NUP205: variants seen among roughly 807,000 people sequenced by gnomAD.
NUP205 encodes nucleoporin 205.
NUP205 carries 76 observed loss-of-function variants against 253.8 expected under a neutral mutation model. The observed-to-expected ratio is 0.30, with a 90% confidence interval of 0.25 to 0.36. The LOEUF (loss-of-function observed/expected upper bound fraction) is 0.36. Ranked by LOEUF, NUP205 falls within the 10% of genes least tolerant of loss-of-function variation. The pLI, the probability that NUP205 is intolerant of heterozygous loss-of-function variation, is 1.00. For synonymous variants in NUP205, 832 were observed against 850.1 expected, an observed-to-expected ratio of 0.98 and a Z score of 0.37; for missense variants, 2,162 against 2,425.5, an observed-to-expected ratio of 0.89 and a Z score of 2.28.
chr7:135,632,485 T>C lies in NUP205; in HGVS notation c.5059+2015T>C, dbSNP rs1347389074. On this transcript the variant is annotated intron_variant, in intron 35 of 42. Coordinates refer to ENST00000285968, the MANE Select transcript of NUP205 (RefSeq NM_015135.3). ...ATTTTTATGTTGCTTTGGAGATGTCTGAGGCAACCTCTGAATCCACCCTAT... is the reference window on the plus strand; with the variant it reads ...ATTTTTATGTTGCTTTGGAGATGTCCGAGGCAACCTCTGAATCCACCCTAT... Among the ~76,000 whole-genome samples, 4 of 152,136 alleles carry C rather than the reference T, an allele frequency of 2.6e-5. No individual in the cohort carries two copies. The East Asian group carries it at 7.7e-4, about 29-fold the overall frequency.
chr7:135,613,572 C>CT (rs1794289497), intron 22 of NUP205: 1 of 150,700 alleles, frequency 6.6e-6, no homozygotes, highest in African/African-American at 2.4e-5. Context: ...GGGTCTTGCC[C>CT]TGTCACCAGG....
chr7:135,623,931 C>T (rs191059471), intron 31 of NUP205, among the ~76,000 whole-genome samples: 81 of 151,834 alleles, frequency 5.3e-4, no homozygotes, highest in African/African-American at 1.7e-3. Flanking sequence ...TACAGGCGCC[C>T]GCCACTACGC....
In NUP205 at chr7:135,618,520, C is replaced by T. The variant is rs1794405666; in HGVS notation, c.3880C>T (p.Leu1294=). The change falls in exon 28 of 43, where the codon CTG becomes TTG. Residue 1294 remains leucine (L), a synonymous_variant. Coordinates refer to ENST00000285968, the MANE Select transcript of NUP205 (RefSeq NM_015135.3). The part of the protein sequence containing the change: ...ESWRQLVEII[L]TACPQDLIQA... ...GTGGAGGCAACTAGTAGAAATTATA[C>T]TGACAGCTTGTCCCCAGGACCTCAT... 1.2e-6 allele frequency: 2 copies of T among 1,614,068 alleles called. No individual in the cohort carries two copies. The highest frequency in any genetic ancestry group is 2.7e-5 in the African/African-American group (2 of 75,034).
intron 23 of NUP205, among the ~76,000 whole-genome samples, chr7:135,615,676 CT>C (rs1186663649): frequency 6.6e-6 from 1 of 152,114 alleles, no homozygotes; most frequent in Non-Finnish European, 1.5e-5. Context: ...ACTTGATTCT[CT>C]TTTACTCTTC....
At chr7:135,628,157 AT>A (rs1794634893) in intron 34 of NUP205, 46 bp downstream of exon 34, 1 of 1,566,094 alleles carries the variant, frequency 6.4e-7, no homozygotes. Context: ...CAAAATCCTC[AT>A]TTTACAAGTA....
intron 1 of NUP205, chr7:135,558,195 G>T: frequency 1.7e-6 from 1 of 586,638 alleles, no homozygotes; most frequent in Admixed American, 2.8e-5. Context: ...AGGCAGTGAG[G>T]CTTGGGCCGC....
At chr7:135,564,449 C>T (rs1301541653) in intron 1 of NUP205, among the ~76,000 whole-genome samples, 4 of 151,726 alleles carry the variant, frequency 2.6e-5, no homozygotes, top group Non-Finnish European at 5.9e-5. Context: ...CAGGGTTTCA[C>T]CATGTTGGCC....
intron 10 of NUP205, among the ~76,000 whole-genome samples, chr7:135,589,058 A>G (rs1806549885): frequency 6.6e-6 from 1 of 150,644 alleles, no homozygotes. Flanking sequence ...CTGTAGTCCT[A>G]GCTGCTCAGG....
chr7:135,629,473 C>A (rs1378020042), intron 34 of NUP205, among the ~76,000 whole-genome samples: 1 of 17,198 alleles, frequency 5.8e-5, no homozygotes, highest in African/African-American at 2.1e-4. Flanking sequence ...GACCCTATCT[C>A]TCTCTCTCTC....
At chr7:135,607,424 G>A (rs1191685173) in intron 22 of NUP205, 53 bp downstream of exon 22, 2 of 1,586,906 alleles carry the variant, frequency 1.3e-6, no homozygotes, top group Non-Finnish European at 1.7e-6. Flanking sequence ...TTGACCAGGT[G>A]CATGAGTACG....
intron 1 of NUP205, among the ~76,000 whole-genome samples, chr7:135,559,251 A>G (rs146087149): frequency 6.6e-6 from 1 of 152,250 alleles, no homozygotes; most frequent in Non-Finnish European, 1.5e-5. Flanking sequence ...TATTAGACGT[A>G]TATATTAGAA....
At chr7:135,607,986 G>C (rs1794123862) in intron 22 of NUP205, among the ~76,000 whole-genome samples, 1 of 147,946 alleles carries the variant, frequency 6.8e-6, no homozygotes, top group Admixed American at 6.8e-5. Context: ...AGTTTTAGTA[G>C]AGATGGTGTT....
chr7:135,635,977 AT>A (rs1341653722), intron 36 of NUP205, among the ~76,000 whole-genome samples: 1 of 152,180 alleles, frequency 6.6e-6, no homozygotes, highest in African/African-American at 2.4e-5. Context: ...TTACATTAAT[AT>A]TTAGTGTTAC....
intron 4 of NUP205, 82 bp downstream of exon 4, chr7:135,576,496 G>A (rs748937089): frequency 2.0e-5 from 24 of 1,219,552 alleles, no homozygotes; most frequent in Non-Finnish European, 2.7e-5. Flanking sequence ...TATACAATCT[G>A]AGCAATATGT....
At chr7:135,603,982 A>T (rs1046143891) in intron 18 of NUP205, among the ~76,000 whole-genome samples, 10 of 152,154 alleles carry the variant, frequency 6.6e-5, no homozygotes, top group Non-Finnish European at 1.5e-4. Context: ...TCAGCGTCAC[A>T]TGGCAGTTTC....
intron 7 of NUP205, among the ~76,000 whole-genome samples, chr7:135,582,262 G>A (rs1016737614): frequency 5.3e-5 from 8 of 152,254 alleles, no homozygotes; most frequent in Non-Finnish European, 8.8e-5. Flanking sequence ...TCCAGCCTGG[G>A]CAGCAGAGTA....
chr7:135,622,958 A>AT (rs1441959560), intron 31 of NUP205, 33 bp downstream of exon 31: 1 of 1,605,112 alleles, frequency 6.2e-7, no homozygotes, highest in Non-Finnish European at 8.5e-7. Context: ...TTATAATTGA[A>AT]TAAGTATTTT....
Position 135,564,030 on chromosome 7 carries a change from C to T in NUP205, c.28+6058C>T, listed in dbSNP as rs138235702. Among the ~76,000 whole-genome samples the T allele has an allele frequency of 4.9e-4, 75 of 151,768 alleles. 1 individual carries two copies. Among genetic ancestry groups the T allele is most frequent in the African/African-American group, 1.6e-3 (67 of 41,366 alleles). On this transcript the variant is annotated intron_variant, in intron 1 of 42. Transcript: ENST00000285968. ...GGTGTTTACTGAAATTGGTCAAACT[C>T]AAGACAGATTGAAGATAACTCTTTG...
chr7:135,619,307 A>T, intron 28 of NUP205, 116 bp from the exon 29 acceptor site: 1 of 1,077,214 alleles, frequency 9.3e-7, no homozygotes, highest in Non-Finnish European at 1.4e-6. Flanking sequence ...ATGCTACTGC[A>T]CTCCAGCCTC....
Sources: gnomAD v4.1 joint callset for allele counts (sites outside exome capture counted in the v4.1 genomes callset) on GRCh38, gnomAD v4.1.1 for gene constraint, MANE v1.5 for transcripts, NCBI Gene and HGNC (gene_info 2026-07-23, HGNC 2026-07-21) for gene names.